Variants in GRM8 observed in about 807,000 individuals in gnomAD.
GRM8 encodes the protein glutamate metabotropic receptor 8, also known as metabotropic glutamate receptor 8.
Under a neutral mutation model 87.2 loss-of-function variants are expected in GRM8, and 47 were observed. The ratio of observed to expected loss-of-function variants is 0.54; its 90% CI spans 0.43 to 0.69. The LOEUF is 0.69. Ranked by LOEUF, GRM8 falls within the 30% of genes least tolerant of loss-of-function variation. The probability of loss-of-function intolerance (pLI) is 0.00; values close to 1 mark genes in which losing one functional copy is unlikely to be tolerated. For synonymous variants in GRM8, 396 were observed against 404.5 expected (o/e 0.98, Z 0.25); for missense variants, 1,019 against 1,139.2 (o/e 0.89, Z 1.52).
chr7:127,211,408 T>C (rs548741133), intron 2 of GRM8, among the ~76,000 whole-genome samples: 1 of 152,336 alleles, frequency 6.6e-6, no homozygotes, highest in Non-Finnish European at 1.5e-5. Context: ...TTCTTCTGCC[T>C]GCTTTATTCT....
chr7:126,644,003 A>T (rs1308795128), intron 7 of GRM8, among the ~76,000 whole-genome samples: 1 of 152,236 alleles, frequency 6.6e-6, no homozygotes, highest in Non-Finnish European at 1.5e-5. Flanking sequence ...AAATGTATGA[A>T]AAAGTGGGTT....
intron 2 of GRM8, among the ~76,000 whole-genome samples, chr7:127,240,637 T>C (rs760619100): frequency 1.3e-5 from 2 of 152,094 alleles, no homozygotes; most frequent in Non-Finnish European, 2.9e-5. Context: ...AGGAAACTTT[T>C]CCTCTCCTCT....
chr7:127,243,374 T>C lies in GRM8; in HGVS notation c.-170A>G. On this transcript the variant is annotated 5_prime_UTR_variant, in exon 2 of 11. The change abolishes an upstream ATG in the 5' untranslated region. Coordinates refer to ENST00000339582, the MANE Select transcript of GRM8 (RefSeq NM_000845.3). ...ATTTGAATGTCACAGTGAATTTCCA[T>C]CAGACCCCTAAGGTTCAATTTTATT... is the stretch of plus-strand genomic sequence containing the variant. 2 of 607,642 alleles carry C rather than the reference T, an allele frequency of 3.3e-6. No individual in the cohort carries two copies. The highest frequency in any genetic ancestry group is 5.5e-5 in the East Asian group (2 of 36,042). 37.6% of individuals were successfully genotyped at this position (607,642 alleles called of 1,614,324 possible).
chr7:126,769,802 A>G, intron 7 of GRM8, 63 bp downstream of exon 7: 2 of 1,044,896 alleles, frequency 1.9e-6, no homozygotes, highest in Non-Finnish European at 1.5e-6. Flanking sequence ...TCTTCTATAT[A>G]TAGGAGGAAA....
chr7:126,846,989 C>G (rs1291792200), intron 6 of GRM8, among the ~76,000 whole-genome samples: 1 of 152,086 alleles, frequency 6.6e-6, no homozygotes, highest in Non-Finnish European at 1.5e-5. Flanking sequence ...ATGACTTATG[C>G]CTATTTTTAA....
intron 7 of GRM8, among the ~76,000 whole-genome samples, chr7:126,740,160 C>T (rs866536674): frequency 3.3e-5 from 5 of 151,994 alleles, no homozygotes; most frequent in Non-Finnish European, 7.4e-5. Context: ...AAATGCCAGG[C>T]AACATTGAGA....
chr7:126,491,938 A>C (rs1447960715), intron 9 of GRM8, among the ~76,000 whole-genome samples: 1 of 152,086 alleles, frequency 6.6e-6, no homozygotes, highest in Non-Finnish European at 1.5e-5. Context: ...CTAAATAGGA[A>C]AGTGGACTTC....
At chr7:127,129,680 C>A (rs1379396261) in intron 2 of GRM8, among the ~76,000 whole-genome samples, 2 of 152,148 alleles carry the variant, frequency 1.3e-5, no homozygotes, top group African/African-American at 4.8e-5. Flanking sequence ...ATCCAAAAGA[C>A]TGACCTTGGC....
intron 2 of GRM8, among the ~76,000 whole-genome samples, chr7:127,169,003 A>T (rs1793623801): frequency 6.7e-6 from 1 of 149,630 alleles, no homozygotes; most frequent in Middle Eastern, 3.2e-3. Context: ...GAAACTATAA[A>T]AAAAAAAAAA....
intron 6 of GRM8, among the ~76,000 whole-genome samples, chr7:126,782,990 G>T (rs1005054079): frequency 1.3e-5 from 2 of 152,112 alleles, no homozygotes; most frequent in African/African-American, 2.4e-5. Flanking sequence ...GACCTCCCTT[G>T]CTGCCTTCCA....
Position 126,826,682 on chromosome 7 carries a change from T to C in GRM8, c.1157-56617A>G, listed in dbSNP as rs546055119. ...TTTGTAGGTTGCCTGTTCACTCTGA[T>C]GGTAGTTTCTTTTGCTGTGCAGTAG... On this transcript the variant is annotated intron_variant, in intron 6 of 10. Transcript: ENST00000339582. Among the ~76,000 whole-genome samples the C allele has an allele frequency of 2.6e-5, 4 of 152,288 alleles. No homozygotes were observed. The South Asian group carries it at 6.2e-4, about 24-fold the overall frequency.
chr7:127,015,227 A>G (rs1042584180), intron 3 of GRM8, among the ~76,000 whole-genome samples: 3 of 139,274 alleles, frequency 2.2e-5, no homozygotes, highest in African/African-American at 8.4e-5. Context: ...GAAGAAGAAG[A>G]AGAAGAAGAA....
chr7:126,531,307 T>C (rs553649269), intron 9 of GRM8, among the ~76,000 whole-genome samples: 124 of 152,372 alleles, frequency 8.1e-4, no homozygotes, highest in African/African-American at 2.9e-3. Flanking sequence ...CATTCAACTA[T>C]ATTATAAATA....
chr7:126,982,596 G>A (rs547280063), intron 3 of GRM8, among the ~76,000 whole-genome samples: 4 of 152,202 alleles, frequency 2.6e-5, no homozygotes, highest in South Asian at 2.1e-4. Flanking sequence ...ATGGATATGA[G>A]GTCAATAAAT....
intron 3 of GRM8, among the ~76,000 whole-genome samples, chr7:126,915,957 G>A (rs570441220): frequency 6.6e-6 from 1 of 152,178 alleles, no homozygotes. Flanking sequence ...TTTGGTGAGT[G>A]ATTTGTGATC....
chr7:127,149,891 A>G (rs12538500), intron 2 of GRM8, among the ~76,000 whole-genome samples: 37,754 of 151,858 alleles, frequency 0.25, 5,394 homozygotes, highest in Middle Eastern at 0.33. Context: ...GGGTGGGGGA[A>G]TGAAGAAATG....
At chr7:127,146,205 G>T (rs1464238916) in intron 2 of GRM8, among the ~76,000 whole-genome samples, 1 of 151,968 alleles carries the variant, frequency 6.6e-6, no homozygotes, top group African/African-American at 2.4e-5. Context: ...ATATAGATAG[G>T]TCTCATAGGG....
intron 8 of GRM8, among the ~76,000 whole-genome samples, chr7:126,594,545 T>A (rs1796982037): frequency 6.6e-6 from 1 of 151,726 alleles, no homozygotes; most frequent in African/African-American, 2.4e-5. Flanking sequence ...ATGCAGAGAG[T>A]AGAATCATGG....
intron 7 of GRM8, among the ~76,000 whole-genome samples, chr7:126,706,676 T>C (rs1810558420): frequency 6.6e-6 from 1 of 152,168 alleles, no homozygotes; most frequent in South Asian, 2.1e-4. Flanking sequence ...ACACATAAAA[T>C]GATCACCACA....
Sources: allele counts gnomAD v4.1 joint callset (sites outside exome capture counted in the v4.1 genomes callset), GRCh38; gene constraint gnomAD v4.1.1; transcripts MANE v1.5; gene names NCBI Gene and HGNC (gene_info 2026-07-23, HGNC 2026-07-21).